Variants in RBM6 observed in about 807,000 individuals in gnomAD.
RBM6 encodes the protein RNA-binding protein 6.
A neutral mutation model predicts 140.4 loss-of-function variants in RBM6; 23 were observed. The observed-to-expected ratio is 0.16, with a 90% confidence interval of 0.12 to 0.23. RBM6 has a LOEUF of 0.23. Among genes scored for constraint, RBM6 ranks in the 10% least tolerant of loss-of-function variants. The pLI, the probability that RBM6 is intolerant of heterozygous loss-of-function variation, is 1.00. For synonymous variants in RBM6, 439 were observed against 475.6 expected, an observed-to-expected ratio of 0.92 and a Z score of 1.00; for missense variants, 1,139 against 1,386.7, an observed-to-expected ratio of 0.82 and a Z score of 2.84.
At chr3:50,026,167 C>T (rs1012000490) in intron 6 of RBM6, among the ~76,000 whole-genome samples, 1 of 151,830 alleles carries the variant, frequency 6.6e-6, no homozygotes, top group Non-Finnish European at 1.5e-5. Context: ...TCACTGCAGC[C>T]TCCGCCTCCC....
intron 6 of RBM6, among the ~76,000 whole-genome samples, chr3:50,045,990 G>C (rs1357490942): frequency 6.6e-6 from 1 of 151,912 alleles, no homozygotes; most frequent in South Asian, 2.1e-4. Context: ...GCTTAGAAGG[G>C]GTTCATCTTA....
intron 5 of RBM6, among the ~76,000 whole-genome samples, chr3:49,981,894 G>T (rs962155038): frequency 6.6e-6 from 1 of 152,134 alleles, no homozygotes; most frequent in African/African-American, 2.4e-5. Flanking sequence ...TTCCAAAAGG[G>T]ATTTATATCA....
chr3:49,989,348 G>T (rs920989742), intron 5 of RBM6, among the ~76,000 whole-genome samples: 2 of 152,156 alleles, frequency 1.3e-5, no homozygotes. Flanking sequence ...GCCGAGGCGG[G>T]TGGATCACTT....
intron 1 of RBM6, among the ~76,000 whole-genome samples, chr3:49,960,209 G>A (rs2084222615): frequency 6.6e-6 from 1 of 152,160 alleles, no homozygotes; most frequent in African/African-American, 2.4e-5. Context: ...TTGAGGGAGG[G>A]AGCTGGGAAT....
intron 5 of RBM6, among the ~76,000 whole-genome samples, chr3:49,979,629 C>G (rs1187900457): frequency 1.3e-5 from 2 of 151,680 alleles, no homozygotes; most frequent in Non-Finnish European, 2.9e-5. Context: ...TTAGTAGAGA[C>G]GGGGTTTCGC....
intron 6 of RBM6, among the ~76,000 whole-genome samples, chr3:50,003,998 TGCACTGGGACTTG>T (rs2086458395): frequency 6.6e-6 from 1 of 152,236 alleles, no homozygotes; most frequent in Non-Finnish European, 1.5e-5. Context: ...TGTGTGCCCT[TGCACTGGGACTTG>T]GGGAGGGGAG....
At chr3:50,059,336 T>G (rs2089845695) in intron 10 of RBM6, 2 of 184,596 alleles carry the variant, frequency 1.1e-5, no homozygotes, top group Non-Finnish European at 2.2e-5. Context: ...TTTTTCATGC[T>G]CAAAAGTCAC....
rs2090484164 is a variant in RBM6 at position 50,077,027 on chromosome 3, G to A, written c.3266G>A (p.Gly1089Asp). 4 of 1,611,634 alleles carry A rather than the reference G, an allele frequency of 2.5e-6. No homozygotes were observed. Among genetic ancestry groups the A allele is most frequent in the African/African-American group, 1.3e-5 (1 of 74,804 alleles). The change falls in exon 21 of 21, where the codon GGC (glycine) becomes GAC (aspartate). Residue 1089 changes from glycine to aspartate, a missense_variant. Physicochemically the swap from Gly to Asp is moderately conservative, Grantham distance 94. This residue lies in a region of RBM6 where 125 missense variants were observed against 142.0 expected (regional missense o/e 0.88). Coordinates refer to ENST00000266022, the MANE Select transcript of RBM6 (RefSeq NM_005777.3). ...TTACAGGCTGAAGGCCGGATGAGGGGCCCCAGTGTTGGAGCCTCAGGAAGA... is the reference window on the plus strand; with the variant it reads ...TTACAGGCTGAAGGCCGGATGAGGGACCCCAGTGTTGGAGCCTCAGGAAGA... The part of the protein sequence containing the change: ...SSEEAEGRMR[G>D]PSVGASGRTS...
At chr3:50,029,384 A>C (rs541091559) in intron 6 of RBM6, among the ~76,000 whole-genome samples, 31 of 152,236 alleles carry the variant, frequency 2.0e-4, no homozygotes, top group African/African-American at 7.5e-4. Flanking sequence ...ATAACACTGG[A>C]TATCAGAGGG....
In RBM6 at chr3:50,061,227, T is replaced by C. The variant is rs776111858; in HGVS notation, c.2353+6T>C. The C allele has an allele frequency of 4.3e-6, 7 of 1,614,048 alleles. No homozygotes were observed. The highest frequency in any genetic ancestry group is 1.7e-4 in the Middle Eastern group (1 of 6,060). Reference sequence around the variant, plus strand: ...AAATCGACAAGGACAACAGTGTAAGTAACCTTTGTTTTATTTCTGTTGCTC... The same window carrying C: ...AAATCGACAAGGACAACAGTGTAAGCAACCTTTGTTTTATTTCTGTTGCTC... On this transcript the variant is annotated splice_donor_region_variant and intron_variant, in intron 13 of 20. Transcript: ENST00000266022.
intron 6 of RBM6, among the ~76,000 whole-genome samples, chr3:50,009,664 C>A (rs2086751452): frequency 6.6e-6 from 1 of 152,022 alleles, no homozygotes; most frequent in South Asian, 2.1e-4. Context: ...TCAAGCCATC[C>A]TCCCTACCTC....
chr3:50,004,138 A>G (rs1423923299), intron 6 of RBM6, among the ~76,000 whole-genome samples: 1 of 152,082 alleles, frequency 6.6e-6, no homozygotes, highest in Non-Finnish European at 1.5e-5. Context: ...GTTCTCAAGT[A>G]TGCTGGTGTG....
intron 1 of RBM6, among the ~76,000 whole-genome samples, chr3:49,946,301 C>T (rs1192498585): frequency 6.6e-6 from 1 of 151,734 alleles, no homozygotes; most frequent in African/African-American, 2.4e-5. Context: ...AGTGCAGTGG[C>T]ACAATCTTGG....
At chr3:50,014,713 AGGG>A (rs1000791030) in intron 6 of RBM6, among the ~76,000 whole-genome samples, 3 of 152,180 alleles carry the variant, frequency 2.0e-5, no homozygotes, top group Admixed American at 2.0e-4. Context: ...TTTGCTGTGA[AGGG>A]GAGCTGCTGT....
At chr3:50,058,368 T>C in intron 9 of RBM6, 34 bp from the exon 10 acceptor site, 1 of 1,574,872 alleles carries the variant, frequency 6.3e-7, no homozygotes, top group South Asian at 1.1e-5. Flanking sequence ...TTCTCTCCCT[T>C]GTGTTGCCCT....
intron 19 of RBM6, among the ~76,000 whole-genome samples, chr3:50,070,775 G>A (rs531795692): frequency 1.4e-4 from 21 of 152,330 alleles, no homozygotes; most frequent in African/African-American, 4.8e-4. Context: ...CCAAAGCCAG[G>A]GCTGGAGTAG....
chr3:50,041,345 G>A (rs1054952693), intron 6 of RBM6, among the ~76,000 whole-genome samples: 1 of 152,196 alleles, frequency 6.6e-6, no homozygotes, highest in Non-Finnish European at 1.5e-5. Flanking sequence ...AGGCCAACAG[G>A]CAGAGCTATA....
intron 8 of RBM6, among the ~76,000 whole-genome samples, chr3:50,055,376 G>A (rs1453599477): frequency 6.6e-6 from 1 of 152,188 alleles, no homozygotes; most frequent in Admixed American, 6.5e-5. Flanking sequence ...GTTGCAGTGA[G>A]CTGAGATCTC....
chr3:50,032,114 A>G (rs1246622248), intron 6 of RBM6, among the ~76,000 whole-genome samples: 3 of 152,180 alleles, frequency 2.0e-5, no homozygotes, highest in Non-Finnish European at 2.9e-5. Flanking sequence ...TTAGGCAGCT[A>G]TGTGCCCAGT....
Sources: gnomAD v4.1 joint callset for allele counts (sites outside exome capture counted in the v4.1 genomes callset) on GRCh38, gnomAD v4.1.1 for gene constraint, gnomAD v4.1.1 regional missense constraint, MANE v1.5 for transcripts, NCBI Gene and HGNC (gene_info 2026-07-23, HGNC 2026-07-21) for gene names.